Variants in UMAD1 observed in about 807,000 individuals in gnomAD.
UMAD1 encodes UBAP1-MVB12-associated (UMA) domain containing 1, also known as UBAP1-MVB12-associated (UMA)-domain containing protein 1.
A neutral mutation model predicts 6.1 loss-of-function variants in UMAD1; 8 were observed. That is an observed-to-expected ratio of 1.30 (90% CI 0.76 to 2.35). The LOEUF (loss-of-function observed/expected upper bound fraction) is 2.35, where lower values mean the gene tolerates loss of function less well. Ranked by LOEUF, UMAD1 falls within the 30% of genes most tolerant of loss-of-function variation. The pLI, the probability that UMAD1 is intolerant of heterozygous loss-of-function variation, is 0.00. For synonymous variants in UMAD1, 56 were observed against 31.4 expected (o/e 1.78, Z -2.61); for missense variants, 130 against 78.4 (o/e 1.66, Z -2.49).
intron 2 of UMAD1, among the ~76,000 whole-genome samples, chr7:7,788,402 C>A (rs963467631): frequency 1.3e-5 from 2 of 152,158 alleles, no homozygotes; most frequent in Non-Finnish European, 2.9e-5. Context: ...CAAGCAGGTT[C>A]TCATACTATT....
chr7:7,673,410 G>GCC lies in UMAD1; in HGVS notation c.41_42dup (p.Ser15ProfsTer14). 9.2e-7 allele frequency: 1 copy of GCC among 1,085,058 alleles called. No individual in the cohort carries two copies. The highest frequency in any genetic ancestry group is 2.6e-5 in the East Asian group (1 of 38,724). 67.2% of individuals were successfully genotyped at this position (1,085,058 alleles called of 1,614,324 possible). ...TCAGAAAGCCTCCGGAATCTAAAAA[G>GCC]CCCTCAGTACCAGAGACAGAAGCAG... On this transcript the variant is annotated frameshift_variant, in exon 2 of 4. Transcript: ENST00000682710. LOFTEE classifies it high-confidence loss of function.
intron 2 of UMAD1, among the ~76,000 whole-genome samples, chr7:7,732,767 A>G (rs143698685): frequency 9.6e-4 from 147 of 152,356 alleles, no homozygotes; most frequent in Non-Finnish European, 1.5e-3. Flanking sequence ...GGATAGGTCA[A>G]GTTTAAAGTT....
chr7:7,764,557 T>G (rs1781950752), intron 2 of UMAD1, among the ~76,000 whole-genome samples: 1 of 152,168 alleles, frequency 6.6e-6, no homozygotes, highest in Non-Finnish European at 1.5e-5. Flanking sequence ...ATTATGCAGA[T>G]AGTGAAATAA....
chr7:7,749,864 A>G (rs1781645652), intron 2 of UMAD1, among the ~76,000 whole-genome samples: 1 of 152,154 alleles, frequency 6.6e-6, no homozygotes, highest in Non-Finnish European at 1.5e-5. Flanking sequence ...TAATAATGTA[A>G]GTAACTACTA....
At chr7:7,725,272 C>T (rs533143455) in intron 2 of UMAD1, among the ~76,000 whole-genome samples, 6 of 152,272 alleles carry the variant, frequency 3.9e-5, no homozygotes, top group Non-Finnish European at 7.4e-5. Context: ...TCGAGTGATC[C>T]GAAAGGCTGC....
At chr7:7,685,736 A>T (rs1256708917) in intron 2 of UMAD1, 2 of 152,178 alleles carry the variant, frequency 1.3e-5, no homozygotes, top group Non-Finnish European at 2.9e-5. Flanking sequence ...TACTATTCTA[A>T]AGCTTTTTAA....
intron 2 of UMAD1, among the ~76,000 whole-genome samples, chr7:7,754,150 A>T (rs1291376709): frequency 6.6e-6 from 1 of 151,982 alleles, no homozygotes; most frequent in East Asian, 1.9e-4. Flanking sequence ...GCGCCATTGC[A>T]CTCCAGCCTG....
Position 7,819,147 on chromosome 7 carries a change from G to A in UMAD1, c.156+17404G>A, listed in dbSNP as rs918664197. ...TTACAGGCATGAACCACCTTGCCCG[G>A]CCCTCTCCTCTTATTTTTAAGCAGT... On this transcript the variant is annotated intron_variant, in intron 3 of 3. Transcript: ENST00000682710. 2.6e-5 allele frequency among the ~76,000 whole-genome samples: 4 copies of A among 152,172 alleles called. No homozygotes were observed. In the East Asian group the frequency reaches 7.7e-4, roughly 29 times the overall value.
chr7:7,696,349 A>G (rs1320646815), intron 2 of UMAD1, among the ~76,000 whole-genome samples: 1 of 151,840 alleles, frequency 6.6e-6, no homozygotes, highest in Admixed American at 6.6e-5. Flanking sequence ...GTGAAGTATC[A>G]CGATAAAGAC....
At chr7:7,741,745 T>C (rs1781472884) in intron 2 of UMAD1, among the ~76,000 whole-genome samples, 1 of 151,908 alleles carries the variant, frequency 6.6e-6, no homozygotes, top group African/African-American at 2.4e-5. Flanking sequence ...AAAACAACTG[T>C]AGACTTTTCA....
At chr7:7,841,434 A>C (rs1296449063) in intron 3 of UMAD1, among the ~76,000 whole-genome samples, 2 of 150,784 alleles carry the variant, frequency 1.3e-5, no homozygotes, top group African/African-American at 4.9e-5. Flanking sequence ...TCCCAAGTAC[A>C]CTGGGACCAC....
intron 1 of UMAD1, among the ~76,000 whole-genome samples, chr7:7,665,116 A>T (rs80267174): frequency 6.6e-6 from 1 of 152,216 alleles, no homozygotes; most frequent in Non-Finnish European, 1.5e-5. Context: ...ATATATTTAC[A>T]TTAACTAGTA....
intron 2 of UMAD1, among the ~76,000 whole-genome samples, chr7:7,777,447 A>G (rs1196170150): frequency 6.7e-6 from 1 of 149,322 alleles, no homozygotes; most frequent in African/African-American, 2.5e-5. Context: ...TGGTGGTTGC[A>G]GTGAGCTGAG....
chr7:7,786,941 A>G (rs1049177118), intron 2 of UMAD1, among the ~76,000 whole-genome samples: 2 of 152,196 alleles, frequency 1.3e-5, no homozygotes, highest in Non-Finnish European at 2.9e-5. Flanking sequence ...CTTTGCGTAA[A>G]ACAGCTGGTT....
At chr7:7,774,307 A>T (rs978388494) in intron 2 of UMAD1, among the ~76,000 whole-genome samples, 1 of 152,216 alleles carries the variant, frequency 6.6e-6, no homozygotes, top group Non-Finnish European at 1.5e-5. Flanking sequence ...ACAATAATGA[A>T]GAGCATTGAA....
chr7:7,643,711 C>CAA (rs34403294), intron 1 of UMAD1, among the ~76,000 whole-genome samples: 18 of 66,964 alleles, frequency 2.7e-4, no homozygotes, highest in African/African-American at 8.4e-4. Flanking sequence ...GACTCCCTCT[C>CAA]AAAAAAAAAA....
intron 2 of UMAD1, among the ~76,000 whole-genome samples, chr7:7,778,267 T>TGAGAGAGA (rs1475878780): frequency 3.7e-5 from 4 of 107,864 alleles, no homozygotes; most frequent in East Asian, 2.7e-4. Flanking sequence ...TGTGTGTGTG[T>TGAGAGAGA]GTGTGTGTGA....
chr7:7,856,565 C>T (rs966927996), intron 3 of UMAD1, among the ~76,000 whole-genome samples: 5 of 152,094 alleles, frequency 3.3e-5, no homozygotes, highest in Non-Finnish European at 5.9e-5. Context: ...TTTTGGATGG[C>T]GACACCGCCA....
In UMAD1 at chr7:7,694,097, G is replaced by A. The variant is rs113661245; in HGVS notation, c.82+20644G>A. 5.8e-3 allele frequency among the ~76,000 whole-genome samples: 885 copies of A among 152,128 alleles called. 11 individuals are homozygous for A. The highest frequency in any genetic ancestry group is 0.02 in the African/African-American group (841 of 41,502). On this transcript the variant is annotated intron_variant, in intron 2 of 3. Coordinates refer to ENST00000682710, the MANE Select transcript of UMAD1 (RefSeq NM_001302348.2). ...GATTTTTCTCCATACCTATAGAGGG[G>A]CACTATGAAGTAGTTGGAAATTTGT...
Sources: allele counts gnomAD v4.1 joint callset (sites outside exome capture counted in the v4.1 genomes callset), GRCh38; gene constraint gnomAD v4.1.1; transcripts MANE v1.5; gene names NCBI Gene and HGNC (gene_info 2026-07-23, HGNC 2026-07-21).